Variants in GNAL observed in about 807,000 individuals in gnomAD.
The protein encoded by GNAL is guanine nucleotide-binding protein G(olf) subunit alpha.
In GNAL, 18 loss-of-function variants were observed where a neutral mutation model predicts 55.1. The ratio of observed to expected loss-of-function variants is 0.33; its 90% CI spans 0.23 to 0.48. GNAL has a LOEUF of 0.48. Among genes scored for constraint, GNAL ranks in the 20% least tolerant of loss-of-function variants. The pLI is 0.99. For missense variants in GNAL, 412 were observed against 614.1 expected, an observed-to-expected ratio of 0.67 and a Z score of 3.48; for synonymous variants, 253 against 237.0, an observed-to-expected ratio of 1.07 and a Z score of -0.62.
At chr18:11,690,099 G>A (rs927377644) in intron 1 of GNAL, among the ~76,000 whole-genome samples, 160 bp downstream of exon 1, 27 of 149,244 alleles carry the variant, frequency 1.8e-4, no homozygotes, top group Non-Finnish European at 3.2e-4. Flanking sequence ...GCGCGGACGG[G>A]CTACAGAGCG....
rs1338299714 is a variant in GNAL, at chr18:11,751,107, TAGAC to T, written c.377-1743_377-1740del. 1.1e-4 allele frequency among the ~76,000 whole-genome samples: 17 copies of T among 152,162 alleles called. No individual in the cohort carries two copies. Among genetic ancestry groups the T allele is most frequent in the South Asian group, 2.1e-4 (1 of 4,812 alleles). ...ACGACAGAGCTGAGCAAAGGCAAGT[TAGAC>T]AGCGCAGCGCCAAGCCCGAGACGGT... On this transcript the variant is annotated intron_variant, in intron 1 of 11. Coordinates refer to ENST00000334049, the MANE Select transcript of GNAL (RefSeq NM_182978.4). This position sits in a 1 kb window ranked among gnomAD's most constrained non-coding sequence, Gnocchi z 4.5.
intron 4 of GNAL, among the ~76,000 whole-genome samples, chr18:11,823,517 A>T (rs984087231): frequency 3.3e-5 from 5 of 152,208 alleles, no homozygotes; most frequent in African/African-American, 1.2e-4. Flanking sequence ...CCTTCCAAGG[A>T]TTTATACCTA....
intron 1 of GNAL, among the ~76,000 whole-genome samples, chr18:11,731,879 T>G (rs2032347354): frequency 6.6e-6 from 1 of 152,196 alleles, no homozygotes; most frequent in Admixed American, 6.5e-5. Flanking sequence ...CCAACAACCA[T>G]TAGTCTATTT....
chr18:11,718,413 A>G (rs1388443901), intron 1 of GNAL, among the ~76,000 whole-genome samples: 5 of 152,188 alleles, frequency 3.3e-5, no homozygotes, highest in Admixed American at 3.3e-4. Context: ...CAGAGTCAAT[A>G]GGGTCAGGGA....
At chr18:11,863,629 T>C (rs538136999) in intron 6 of GNAL, among the ~76,000 whole-genome samples, 40 of 152,036 alleles carry the variant, frequency 2.6e-4, no homozygotes, top group African/African-American at 9.6e-4. Flanking sequence ...TTCCTTAAAA[T>C]CACATGGATT....
chr18:11,773,343 A>G (rs546191775), intron 4 of GNAL, among the ~76,000 whole-genome samples: 1 of 152,328 alleles, frequency 6.6e-6, no homozygotes, highest in East Asian at 1.9e-4. Context: ...GATTCCTGGT[A>G]TGTGTTGGAG....
At chr18:11,722,112 A>G (rs2032108689) in intron 1 of GNAL, among the ~76,000 whole-genome samples, 1 of 152,146 alleles carries the variant, frequency 6.6e-6, no homozygotes, top group South Asian at 2.1e-4. Context: ...TGAATTGACA[A>G]ATAATGTTGT....
At chr18:11,827,515 A>AGG (rs1482048790) in intron 5 of GNAL, among the ~76,000 whole-genome samples, 3 of 151,982 alleles carry the variant, frequency 2.0e-5, no homozygotes, top group African/African-American at 7.3e-5. Context: ...TCGGAGGTTG[A>AGG]GGCAGGAGAA....
rs371052119 is a variant in GNAL at position 11,709,640 on chromosome 18, T to C, written c.376+19701T>C. Among the ~76,000 whole-genome samples the C allele has an allele frequency of 2.6e-5, 4 of 152,328 alleles. No individual in the cohort carries two copies. In the South Asian group the frequency reaches 8.3e-4, roughly 32 times the overall value. On this transcript the variant is annotated intron_variant, in intron 1 of 11. Transcript: ENST00000334049. ...GTATGTAAAACTGCAACTGATTTTA[T>C]ACATCAATTTTGTATCCTGCAACTT... is the stretch of plus-strand genomic sequence containing the variant.
intron 5 of GNAL, 91 bp from the exon 6 acceptor site, chr18:11,862,304 T>C (rs2036165215): frequency 1.1e-6 from 1 of 929,338 alleles, no homozygotes; most frequent in East Asian, 2.4e-5. Flanking sequence ...CCATCCTTGC[T>C]GTACTTGGGT....
intron 4 of GNAL, among the ~76,000 whole-genome samples, chr18:11,822,449 C>CA (rs1222613568): frequency 6.6e-6 from 1 of 152,060 alleles, no homozygotes; most frequent in African/African-American, 2.4e-5. Context: ...TAGGAAAATA[C>CA]AAAAATTAGC....
rs781144610 is a variant in GNAL, at chr18:11,752,588, A to G, written c.377-265A>G. On this transcript the variant is annotated intron_variant, in intron 1 of 11. Transcript: ENST00000334049. This position sits in a 1 kb window ranked among gnomAD's most constrained non-coding sequence, Gnocchi z 4.5. ...CGCCTGCTGCTCCTGGGTAAGGCCGAGGGGCGCGCGGCGGCTCCCGGCCCC... is the reference window on the plus strand; with the variant it reads ...CGCCTGCTGCTCCTGGGTAAGGCCGGGGGGCGCGCGGCGGCTCCCGGCCCC... 11 of 1,587,540 alleles carry G rather than the reference A, an allele frequency of 6.9e-6. No individual in the cohort carries two copies. Among genetic ancestry groups the G allele is most frequent in the Non-Finnish European group, 8.5e-6 (10 of 1,170,406 alleles).
At chr18:11,800,933 G>A (rs1335291932) in intron 4 of GNAL, among the ~76,000 whole-genome samples, 1 of 152,150 alleles carries the variant, frequency 6.6e-6, no homozygotes, top group Non-Finnish European at 1.5e-5. Context: ...ACTCCCACTT[G>A]CAGACACAAA....
At chr18:11,848,461 C>CTT (rs71172024) in intron 5 of GNAL, among the ~76,000 whole-genome samples, 41 of 142,862 alleles carry the variant, frequency 2.9e-4, no homozygotes, top group African/African-American at 7.7e-4. Context: ...TTTTTCTTTT[C>CTT]TTTTTTTTTT....
chr18:11,856,825 G>A (rs5018701), intron 5 of GNAL, among the ~76,000 whole-genome samples: 20,615 of 152,126 alleles, frequency 0.14, 2,109 homozygotes, highest in African/African-American at 0.29. Flanking sequence ...CAGCTACTTC[G>A]GGAGGCTGAG....
At chr18:11,746,856 A>T (rs1017956614) in intron 1 of GNAL, 46 of 531,970 alleles carry the variant, frequency 8.6e-5, no homozygotes, top group African/African-American at 7.5e-4. Flanking sequence ...GAACATCATG[A>T]AACCCTCTTG....
At chr18:11,772,621 T>TA (rs2033667095) in intron 4 of GNAL, among the ~76,000 whole-genome samples, 1 of 152,154 alleles carries the variant, frequency 6.6e-6, no homozygotes. Flanking sequence ...AGCAGGGCAT[T>TA]AGCGCAACTC....
Position 11,770,786 on chromosome 18 carries a change from T to C in GNAL, c.624+16841T>C, listed in dbSNP as rs781385534. On this transcript the variant is annotated intron_variant, in intron 4 of 11. Transcript: ENST00000334049. Reference sequence around the variant, plus strand: ...TAATACTTTACATATTGAATGAAGATATATCATTTTAAGGTATTTAGTTTT... The same window carrying C: ...TAATACTTTACATATTGAATGAAGACATATCATTTTAAGGTATTTAGTTTT... Among the ~76,000 whole-genome samples, 12 of 152,348 alleles carry C rather than the reference T, an allele frequency of 7.9e-5. No individual in the cohort carries two copies. In the South Asian group the frequency reaches 1.2e-3, roughly 16 times the overall value.
chr18:11,875,054 G>T (rs1008209903), intron 10 of GNAL, among the ~76,000 whole-genome samples: 4 of 152,200 alleles, frequency 2.6e-5, no homozygotes, highest in Non-Finnish European at 5.9e-5. Context: ...TCTTCCGGGG[G>T]AGAATGCCTC....
Sources: gnomAD v4.1 joint callset for allele counts (sites outside exome capture counted in the v4.1 genomes callset) on GRCh38, gnomAD v4.1.1 for gene constraint, Gnocchi (gnomAD v3.1) non-coding constraint, MANE v1.5 for transcripts, NCBI Gene and HGNC (gene_info 2026-07-23, HGNC 2026-07-21) for gene names.